SLC4A8: variants seen among roughly 807,000 people sequenced by gnomAD.
The protein encoded by SLC4A8 is solute carrier family 4 member 8.
In SLC4A8, 40 loss-of-function variants were observed where a neutral mutation model predicts 125.0. The observed-to-expected ratio is 0.32, with a 90% confidence interval of 0.25 to 0.42. The LOEUF (loss-of-function observed/expected upper bound fraction) is 0.42, where lower values mean the gene tolerates loss of function less well. Ranked by LOEUF, SLC4A8 falls within the 10% of genes least tolerant of loss-of-function variation. The pLI is 1.00. For missense variants in SLC4A8, 863 were observed against 1,355.1 expected, an observed-to-expected ratio of 0.64 and a Z score of 5.70; for synonymous variants, 456 against 476.0, an observed-to-expected ratio of 0.96 and a Z score of 0.55.
At chr12:51,416,015 T>A (rs1227341971) in intron 1 of SLC4A8, among the ~76,000 whole-genome samples, 1 of 151,942 alleles carries the variant, frequency 6.6e-6, no homozygotes, top group East Asian at 1.9e-4. Flanking sequence ...CTCTACTCTC[T>A]TCCTTTTTTT....
intron 16 of SLC4A8, among the ~76,000 whole-genome samples, chr12:51,478,058 G>A (rs910155100): frequency 3.9e-5 from 6 of 152,132 alleles, no homozygotes; most frequent in Admixed American, 2.0e-4. Context: ...GGCAGATCAC[G>A]AGGTCAGGAG....
At chr12:51,419,863 T>C (rs1948749980), upstream of SLC4A8, among the ~76,000 whole-genome samples, 1 of 152,220 alleles carries the variant, frequency 6.6e-6, no homozygotes, top group African/African-American at 2.4e-5. Flanking sequence ...ATGTTGATGA[T>C]GACGAATAGT....
At chr12:51,484,707 T>C (rs761192618) in intron 16 of SLC4A8, among the ~76,000 whole-genome samples, 2 of 152,196 alleles carry the variant, frequency 1.3e-5, no homozygotes, top group Non-Finnish European at 2.9e-5. Flanking sequence ...ATTTGCCAGG[T>C]ACTGTATTTT....
chr12:51,424,199 C>A (rs533625628), upstream of SLC4A8, among the ~76,000 whole-genome samples: 1 of 151,858 alleles, frequency 6.6e-6, no homozygotes, highest in African/African-American at 2.4e-5. Flanking sequence ...ATATTCTAAC[C>A]TTGTGTTAAG....
intron 1 of SLC4A8, among the ~76,000 whole-genome samples, chr12:51,400,533 C>T (rs1173201943): frequency 6.6e-6 from 1 of 150,420 alleles, no homozygotes; most frequent in Admixed American, 6.6e-5. Flanking sequence ...GAGGAAAAAA[C>T]AAAAAACACA....
intron 1 of SLC4A8, among the ~76,000 whole-genome samples, chr12:51,413,138 T>C (rs1232311089): frequency 2.0e-5 from 3 of 152,222 alleles, no homozygotes; most frequent in Non-Finnish European, 4.4e-5. Flanking sequence ...TATGTCATTG[T>C]GGTTTTTATT....
Position 51,513,798 on chromosome 12 carries a change from G to A in SLC4A8, c.*6360G>A, listed in dbSNP as rs1938445344. On this transcript the variant is annotated 3_prime_UTR_variant, in exon 25 of 25. Transcript: ENST00000453097. ...ATCACAAATGTTTGATAAAATTCTG[G>A]TATGTGCTAAGTCCCAGGCTTGGTT... 6.6e-6 allele frequency: 1 copy of A among 152,172 alleles called. No homozygotes were observed. The allele number at this position is 152,172 out of a possible 1,614,324, so 9.4% of individuals were successfully genotyped here.
intron 16 of SLC4A8, chr12:51,480,314 A>T (rs370653983): frequency 8.2e-7 from 1 of 1,219,258 alleles, no homozygotes; most frequent in Non-Finnish European, 1.0e-6. Flanking sequence ...ATGTATTTAT[A>T]TGTATGTCTT....
At chr12:51,470,283 G>A in intron 12 of SLC4A8, 109 bp from the exon 13 acceptor site, 1 of 933,950 alleles carries the variant, frequency 1.1e-6, no homozygotes, top group South Asian at 1.6e-5. Context: ...TGAAATACAA[G>A]CAAATGGCCA....
rs926230870 is a variant in SLC4A8 at position 51,450,868 on chromosome 12, C to A, written c.131-8C>A. 9 of 1,613,354 alleles carry A rather than the reference C, an allele frequency of 5.6e-6. No individual in the cohort carries two copies. Among genetic ancestry groups the A allele is most frequent in the Admixed American group, 5.0e-5 (3 of 59,948 alleles). ...AGTTCTCTCCACAGACCTTCTGCTT[C>A]TTTCCAGGTCACAGAACTCTGTATG... On this transcript the variant is annotated splice_region_variant and splice_polypyrimidine_tract_variant and intron_variant, in intron 2 of 24. Transcript: ENST00000453097.
At chr12:51,481,016 G>A (rs1033086917) in intron 16 of SLC4A8, among the ~76,000 whole-genome samples, 2 of 152,106 alleles carry the variant, frequency 1.3e-5, no homozygotes, top group Non-Finnish European at 2.9e-5. Context: ...CTCTCTGGGC[G>A]TTTTTCTTTA....
intron 5 of SLC4A8, 115 bp from the exon 6 acceptor site, chr12:51,457,236 C>T: frequency 1.4e-6 from 1 of 706,070 alleles, no homozygotes; most frequent in South Asian, 2.1e-5. Flanking sequence ...CCTCAATGAC[C>T]CTAGTGGAGC....
At chr12:51,430,548 G>A (rs1401325076) in intron 1 of SLC4A8, among the ~76,000 whole-genome samples, 1 of 152,032 alleles carries the variant, frequency 6.6e-6, no homozygotes, top group Non-Finnish European at 1.5e-5. Flanking sequence ...GAACCTGTGG[G>A]CATTCTTTTT....
chr12:51,468,692 G>A (rs927892032), intron 11 of SLC4A8, among the ~76,000 whole-genome samples: 10 of 152,148 alleles, frequency 6.6e-5, no homozygotes, highest in Non-Finnish European at 8.8e-5. Context: ...CCCAGGAGGC[G>A]GAGCTTGCAG....
At chr12:51,402,926 T>C (rs1948419539) in intron 1 of SLC4A8, 1 of 287,090 alleles carries the variant, frequency 3.5e-6, no homozygotes, top group Non-Finnish European at 7.0e-6. Context: ...GGGAGAGGCA[T>C]GTCTCAGTAT....
At chr12:51,425,557 G>A (rs1309556453) in intron 1 of SLC4A8, 1 of 454,748 alleles carries the variant, frequency 2.2e-6, no homozygotes, top group Non-Finnish European at 2.9e-6. Context: ...CTGCCCCATT[G>A]AACAGACACC....
In SLC4A8 at chr12:51,508,701, T is replaced by C. The variant is rs1227139672; in HGVS notation, c.*1263T>C. 1 of 152,314 alleles carries C rather than the reference T, an allele frequency of 6.6e-6. No homozygotes were observed. Among genetic ancestry groups the C allele is most frequent in the Admixed American group, 6.5e-5 (1 of 15,282 alleles). The allele number at this position is 152,314 out of a possible 1,614,324, so 9.4% of individuals were successfully genotyped here. ...CATTTATAGTTTTTCTCTTCTCTTC[T>C]ATGTTGCAATGAATGTAAAGTATTT... On this transcript the variant is annotated 3_prime_UTR_variant, in exon 25 of 25. Transcript: ENST00000453097.
chr12:51,428,485 C>G (rs888598875), intron 1 of SLC4A8, among the ~76,000 whole-genome samples: 1 of 152,238 alleles, frequency 6.6e-6, no homozygotes, highest in East Asian at 1.9e-4. Context: ...ATGGCCATTA[C>G]TTCATTACAC....
At chr12:51,432,115 A>G (rs1024745342) in intron 1 of SLC4A8, among the ~76,000 whole-genome samples, 3 of 152,086 alleles carry the variant, frequency 2.0e-5, no homozygotes, top group African/African-American at 7.2e-5. Flanking sequence ...CTGATTAGAA[A>G]CCTTGGAAAT....
Sources: allele counts gnomAD v4.1 joint callset (sites outside exome capture counted in the v4.1 genomes callset), GRCh38; gene constraint gnomAD v4.1.1; transcripts MANE v1.5; gene names NCBI Gene and HGNC (gene_info 2026-07-23, HGNC 2026-07-21).